Variants in LYZL2 observed in about 807,000 individuals in gnomAD.
The protein encoded by LYZL2 is lysozyme like 2.
A neutral mutation model predicts 17.1 loss-of-function variants in LYZL2; 13 were observed. The ratio of observed to expected loss-of-function variants is 0.76; its 90% confidence interval spans 0.49 to 1.21. LYZL2 has a LOEUF of 1.21. Ranked by LOEUF, LYZL2 falls within the 50% of genes most tolerant of loss-of-function variation. LYZL2 has a pLI of 0.00. For synonymous variants in LYZL2, 63 were observed against 74.4 expected (o/e 0.85, Z 0.79); for missense variants, 166 against 189.2 (o/e 0.88, Z 0.72).
intron 3 of LYZL2, among the ~76,000 whole-genome samples, chr10:30,617,724 G>GA (rs1838557573): frequency 8.9e-6 from 1 of 112,314 alleles, no homozygotes; most frequent in African/African-American, 3.1e-5. Flanking sequence ...AAAAAGAAAA[G>GA]AAAAGAAAAA....
intron 1 of LYZL2, among the ~76,000 whole-genome samples, chr10:30,629,033 G>C (rs575060430): frequency 6.6e-6 from 1 of 152,184 alleles, no homozygotes; most frequent in Non-Finnish European, 1.5e-5. Flanking sequence ...TTTTCAGAGA[G>C]ATCATGCCAG....
At chr10:30,613,718 T>A (rs773560057) in intron 3 of LYZL2, among the ~76,000 whole-genome samples, 10 of 152,182 alleles carry the variant, frequency 6.6e-5, no homozygotes, top group South Asian at 4.1e-4. Flanking sequence ...TACTTTTCCT[T>A]TTCTGTTTCC....
At chr10:30,628,165 A>C (rs1456875540) in intron 1 of LYZL2, among the ~76,000 whole-genome samples, 1 of 152,198 alleles carries the variant, frequency 6.6e-6, no homozygotes, top group Admixed American at 6.5e-5. Flanking sequence ...GCCTCAAAAA[A>C]AAAAAGATTC....
At chr10:30,611,602 A>G (rs951445678), downstream of LYZL2, among the ~76,000 whole-genome samples, 3 of 125,756 alleles carry the variant, frequency 2.4e-5, no homozygotes, top group African/African-American at 9.8e-5. Flanking sequence ...AAAGAAAGAA[A>G]GAAAGAAAGA....
chr10:30,613,499 GAA>G (rs34156491), intron 3 of LYZL2, among the ~76,000 whole-genome samples: 3 of 125,754 alleles, frequency 2.4e-5, no homozygotes, highest in African/African-American at 5.7e-5. Context: ...TCTGTCTTAA[GAA>G]AAAAAAAAAA....
downstream of LYZL2, among the ~76,000 whole-genome samples, chr10:30,608,648 C>T (rs797018592): frequency 6.6e-6 from 1 of 152,178 alleles, no homozygotes; most frequent in South Asian, 2.1e-4. Context: ...GTTACCCCTT[C>T]CGTATCTCAG....
chr10:30,606,920 T>C (rs1029424890), downstream of LYZL2, among the ~76,000 whole-genome samples: 92 of 151,830 alleles, frequency 6.1e-4, no homozygotes, highest in Admixed American at 1.2e-3. Flanking sequence ...GTCTTTTTTT[T>C]TTTTTTTTAA....
intron 1 of LYZL2, among the ~76,000 whole-genome samples, chr10:30,628,578 T>G (rs7894225): frequency 0.014 from 2,180 of 152,302 alleles, 70 homozygotes; most frequent in African/African-American, 0.049. Flanking sequence ...TGGGGTGAAG[T>G]GAAATTTCTG....
chr10:30,619,950 AG>A (rs1313414127), intron 3 of LYZL2, among the ~76,000 whole-genome samples: 1 of 152,204 alleles, frequency 6.6e-6, no homozygotes, highest in African/African-American at 2.4e-5. Context: ...ATCTGCAAAA[AG>A]GAAATATTTC....
chr10:30,623,227 T>C (rs1838652734), intron 3 of LYZL2, among the ~76,000 whole-genome samples: 1 of 152,148 alleles, frequency 6.6e-6, no homozygotes, highest in Admixed American at 6.6e-5. Context: ...CACCGTATAG[T>C]AGAACAAGTA....
At chr10:30,611,570 G>GGAAGGAAGGAAGGAAAGAAA (rs1491344870), downstream of LYZL2, among the ~76,000 whole-genome samples, 199 of 54,078 alleles carry the variant, frequency 3.7e-3, 1 homozygote, top group Middle Eastern at 0.01. Flanking sequence ...AAGGAAGGAA[G>GGAAGGAAGGAAGGAAAGAAA]GAAAGAAAGA....
chr10:30,629,363 CA>C (rs1838769490), intron 1 of LYZL2, among the ~76,000 whole-genome samples: 1 of 150,122 alleles, frequency 6.7e-6, no homozygotes, highest in Non-Finnish European at 1.5e-5. Flanking sequence ...CACTGCACTC[CA>C]GCCTGGGCAA....
At chr10:30,611,425 G>A (rs1423661286), downstream of LYZL2, among the ~76,000 whole-genome samples, 2 of 150,636 alleles carry the variant, frequency 1.3e-5, no homozygotes, top group African/African-American at 4.9e-5. Flanking sequence ...CTTGAACCCG[G>A]GAGGTGGAGG....
intron 3 of LYZL2, among the ~76,000 whole-genome samples, chr10:30,624,330 C>T (rs1179770845): frequency 6.6e-6 from 1 of 152,146 alleles, no homozygotes; most frequent in African/African-American, 2.4e-5. Flanking sequence ...TAATATCTTC[C>T]AGCTTTATTT....
chr10:30,609,930 G>A (rs1468012175), downstream of LYZL2, among the ~76,000 whole-genome samples: 1 of 152,068 alleles, frequency 6.6e-6, no homozygotes. Context: ...TATGAGTTTT[G>A]CAAAAAGATA....
rs572081736 is a variant in LYZL2 at position 30,627,929 on chromosome 10, A to G, written c.-25-989T>C. On this transcript the variant is annotated intron_variant, in intron 1 of 4. Transcript: ENST00000647634. The stretch of plus-strand genomic sequence containing the variant: ...AATCCCGGCACTTTGGGAGGCCGAG[A>G]CGGGCGGATCACGAGGTCAGGAGAT... Among the ~76,000 whole-genome samples, 12 of 152,280 alleles carry G rather than the reference A, an allele frequency of 7.9e-5. No homozygotes were observed. In the East Asian group the frequency reaches 1.3e-3, roughly 17 times the overall value.
At chr10:30,614,370 T>C (rs1445412459) in intron 3 of LYZL2, among the ~76,000 whole-genome samples, 1 of 152,128 alleles carries the variant, frequency 6.6e-6, no homozygotes. Context: ...CCCATCAGAG[T>C]GGCCCAAGTC....
chr10:30,608,996 C>T (rs914477535), downstream of LYZL2, among the ~76,000 whole-genome samples: 2 of 152,112 alleles, frequency 1.3e-5, no homozygotes, highest in African/African-American at 2.4e-5. Flanking sequence ...TGCACCACCA[C>T]ACGCAGCTAA....
intron 3 of LYZL2, among the ~76,000 whole-genome samples, chr10:30,614,201 T>G (rs409585): frequency 0.57 from 87,015 of 152,170 alleles, 25,478 homozygotes; most frequent in African/African-American, 0.61. Context: ...CAGGAGCTGA[T>G]GCTGAGATGG....
Sources: gnomAD v4.1 joint callset for allele counts (sites outside exome capture counted in the v4.1 genomes callset) on GRCh38, gnomAD v4.1.1 for gene constraint, MANE v1.5 for transcripts, NCBI Gene and HGNC (gene_info 2026-07-23, HGNC 2026-07-21) for gene names.